Variants in PBX3 observed in about 807,000 individuals in gnomAD.
PBX3 encodes the protein pre-B-cell leukemia transcription factor 3.
Under a neutral mutation model 48.5 loss-of-function variants are expected in PBX3, and 14 were observed. That is an observed-to-expected ratio of 0.29 (90% CI 0.19 to 0.45). The LOEUF is 0.45. Ranked by LOEUF, PBX3 falls within the 20% of genes least tolerant of loss-of-function variation. PBX3 has a pLI of 1.00. For missense variants in PBX3, 386 were observed against 546.7 expected (o/e 0.71, Z 2.93); for synonymous variants, 210 against 200.3 (o/e 1.05, Z -0.41).
chr9:125,836,576 G>T (rs907054370), intron 2 of PBX3, among the ~76,000 whole-genome samples: 1 of 152,120 alleles, frequency 6.6e-6, no homozygotes, highest in Non-Finnish European at 1.5e-5. Flanking sequence ...GAAGGAATAA[G>T]ATCTAGTGTT....
At chr9:125,821,297 G>A (rs986073648) in intron 2 of PBX3, among the ~76,000 whole-genome samples, 7 of 152,062 alleles carry the variant, frequency 4.6e-5, no homozygotes, top group African/African-American at 1.7e-4. Flanking sequence ...TACAACCACA[G>A]ATACTAGAGA....
rs76436854 is a variant in PBX3 at position 125,933,199 on chromosome 9, C to T, written c.708-2273C>T. On this transcript the variant is annotated intron_variant, in intron 4 of 8. Transcript: ENST00000373489. ...CACTGAGAAGGCAAGGGGCTCTGCTCTAGGCAAACATGCTCAGTCAGATAT... is the reference window on the plus strand; with the variant it reads ...CACTGAGAAGGCAAGGGGCTCTGCTTTAGGCAAACATGCTCAGTCAGATAT... 2.1e-4 allele frequency among the ~76,000 whole-genome samples: 32 copies of T among 152,378 alleles called. No individual in the cohort carries two copies. The East Asian group carries it at 4.8e-3, about 23-fold the overall frequency.
intron 2 of PBX3, among the ~76,000 whole-genome samples, chr9:125,910,894 A>G (rs1841188741): frequency 1.3e-5 from 2 of 151,994 alleles, no homozygotes; most frequent in African/African-American, 2.4e-5. Flanking sequence ...GAGAGTGTGA[A>G]ATTCAGGTGC....
At position 125,896,784 on chromosome 9, in the gene PBX3, G is replaced by A. The variant is rs138229525; in HGVS notation, c.275-18902G>A. Among the ~76,000 whole-genome samples, 1,458 of 152,102 alleles carry A rather than the reference G, an allele frequency of 9.6e-3. 30 individuals carry two copies. Among genetic ancestry groups the A allele is most frequent in the African/African-American group, 0.032 (1,326 of 41,540 alleles). On this transcript the variant is annotated intron_variant, in intron 2 of 8. Transcript: ENST00000373489. The stretch of plus-strand genomic sequence containing the variant: ...GCTGTTGTGTCAGCAGAGAAGCAGA[G>A]TGAGGTAGAGGAGGTCTCCATTAGA...
At chr9:125,932,776 G>T (rs565097481) in intron 4 of PBX3, among the ~76,000 whole-genome samples, 1 of 152,238 alleles carries the variant, frequency 6.6e-6, no homozygotes, top group East Asian at 1.9e-4. Flanking sequence ...TTAAATAACT[G>T]CATTCATAAT....
chr9:125,747,633 C>G lies in PBX3; in HGVS notation c.180C>G (p.Ser60Arg). Residue 60 changes from serine (S) to arginine (R), a missense_variant, in exon 1 of 9, where the codon AGC (serine) becomes AGG (arginine). By Grantham distance (110) the Ser-to-Arg change is moderately radical (BLOSUM62 -1). Coordinates refer to ENST00000373489, the MANE Select transcript of PBX3 (RefSeq NM_006195.6). ...AGATCATGACCATCACCGACCAGAGCTTGGACGAGGCGCAAGCAAAGTTGG... is the reference window on the plus strand; with the variant it reads ...AGATCATGACCATCACCGACCAGAGGTTGGACGAGGCGCAAGCAAAGTTGG... Reference protein sequence around the residue: ...LHQIMTITDQSLDEAQAKKHA... With the variant: ...LHQIMTITDQRLDEAQAKKHA... 2 of 1,593,510 alleles carry G rather than the reference C, an allele frequency of 1.3e-6. No individual in the cohort carries two copies. The highest frequency in any genetic ancestry group is 1.7e-6 in the Non-Finnish European group (2 of 1,170,436).
At chr9:125,768,734 T>C (rs991921058) in intron 2 of PBX3, among the ~76,000 whole-genome samples, 1 of 152,210 alleles carries the variant, frequency 6.6e-6, no homozygotes, top group African/African-American at 2.4e-5. Context: ...AGATACCTAA[T>C]TGGAAAAGGA....
chr9:125,773,969 C>T (rs756374897), intron 2 of PBX3, among the ~76,000 whole-genome samples: 1 of 152,124 alleles, frequency 6.6e-6, no homozygotes. Flanking sequence ...ACATTTTCAT[C>T]CCCTCTAAAG....
intron 2 of PBX3, among the ~76,000 whole-genome samples, chr9:125,800,608 G>A (rs947608373): frequency 3.3e-5 from 5 of 152,082 alleles, no homozygotes; most frequent in African/African-American, 9.7e-5. Context: ...GCTGCTAGTG[G>A]AGAGAATTTC....
intron 3 of PBX3, among the ~76,000 whole-genome samples, chr9:125,925,876 A>G (rs889851348): frequency 6.6e-6 from 1 of 152,230 alleles, no homozygotes; most frequent in Non-Finnish European, 1.5e-5. Context: ...TTCTCCTTGA[A>G]GATTTATTAC....
At chr9:125,965,081 G>T (rs1460981153) in intron 8 of PBX3, among the ~76,000 whole-genome samples, 3 of 152,196 alleles carry the variant, frequency 2.0e-5, no homozygotes, top group Non-Finnish European at 4.4e-5. Flanking sequence ...AATATGTAGC[G>T]ACAAGCTGTC....
chr9:125,781,805 T>G (rs1837326577), intron 2 of PBX3, among the ~76,000 whole-genome samples: 1 of 151,728 alleles, frequency 6.6e-6, no homozygotes, highest in Non-Finnish European at 1.5e-5. Flanking sequence ...TTTGAGATCT[T>G]TTTTTTTTCT....
chr9:125,965,731 T>G (rs1842517648), intron 8 of PBX3, 100 bp from the exon 9 acceptor site: 1 of 844,440 alleles, frequency 1.2e-6, no homozygotes, highest in African/African-American at 1.7e-5. Context: ...TACATTTTGC[T>G]AATGCATCTC....
At chr9:125,899,742 G>A (rs1348089864) in intron 2 of PBX3, among the ~76,000 whole-genome samples, 2 of 151,576 alleles carry the variant, frequency 1.3e-5, no homozygotes, top group Non-Finnish European at 3.0e-5. Flanking sequence ...CACTTCATGT[G>A]AAAATAAATT....
intron 2 of PBX3, among the ~76,000 whole-genome samples, chr9:125,836,415 A>C (rs975016422): frequency 6.6e-6 from 1 of 152,170 alleles, no homozygotes; most frequent in Non-Finnish European, 1.5e-5. Context: ...ACTGCACTCC[A>C]GCCTGGGCGA....
chr9:125,761,213 CTT>C (rs879668457), intron 2 of PBX3, among the ~76,000 whole-genome samples: 1 of 143,668 alleles, frequency 7.0e-6, no homozygotes. Flanking sequence ...TTTCTTTTTT[CTT>C]TTTTTTTTTG....
intron 2 of PBX3, among the ~76,000 whole-genome samples, chr9:125,750,335 T>C (rs1433150083): frequency 1.3e-5 from 2 of 152,238 alleles, no homozygotes; most frequent in Non-Finnish European, 2.9e-5. Context: ...ATTTTTGCCT[T>C]TTTAAAGTTT....
At chr9:125,802,359 ATTTTTTTTT>A (rs57805307) in intron 2 of PBX3, among the ~76,000 whole-genome samples, 10 of 67,762 alleles carry the variant, frequency 1.5e-4, no homozygotes, top group East Asian at 4.2e-4. Flanking sequence ...ACATTAGTGC[ATTTTTTTTT>A]TTTTTTTTTT....
At chr9:125,826,709 G>C (rs1838817914) in intron 2 of PBX3, among the ~76,000 whole-genome samples, 1 of 152,040 alleles carries the variant, frequency 6.6e-6, no homozygotes, top group South Asian at 2.1e-4. Flanking sequence ...CAGAAGAGTG[G>C]ATTGCTCTGA....
Sources: allele counts gnomAD v4.1 joint callset (sites outside exome capture counted in the v4.1 genomes callset), GRCh38; gene constraint gnomAD v4.1.1; transcripts MANE v1.5; gene names NCBI Gene and HGNC (gene_info 2026-07-23, HGNC 2026-07-21).